RNGTT: variants seen among roughly 807,000 people sequenced by gnomAD.
The protein encoded by RNGTT is mRNA-capping enzyme.
A neutral mutation model predicts 79.3 loss-of-function variants in RNGTT; 33 were observed. That is an observed-to-expected ratio of 0.42 (90% CI 0.32 to 0.56). RNGTT has a LOEUF of 0.56. Among genes scored for constraint, RNGTT ranks in the 20% least tolerant of loss-of-function variants. RNGTT has a pLI of 0.17. For synonymous variants in RNGTT, 222 were observed against 235.9 expected (o/e 0.94, Z 0.54); for missense variants, 497 against 739.1 (o/e 0.67, Z 3.80).
At chr6:88,805,402 C>A (rs559171306) in intron 11 of RNGTT, among the ~76,000 whole-genome samples, 2 of 152,288 alleles carry the variant, frequency 1.3e-5, no homozygotes, top group Non-Finnish European at 2.9e-5. Context: ...ACAGGCAGGG[C>A]AGGAAACATG....
intron 1 of RNGTT, among the ~76,000 whole-genome samples, chr6:88,944,931 T>C (rs1355951390): frequency 6.6e-6 from 1 of 152,342 alleles, no homozygotes; most frequent in Admixed American, 6.5e-5. Context: ...CACCATCTTT[T>C]TCCCCTCTTG....
intron 4 of RNGTT, among the ~76,000 whole-genome samples, chr6:88,915,285 C>G (rs749359799): frequency 6.6e-6 from 1 of 152,162 alleles, no homozygotes; most frequent in Non-Finnish European, 1.5e-5. Context: ...CAAAGGAACA[C>G]AAATCATTCT....
chr6:88,830,747 A>C (rs1780832959), intron 11 of RNGTT, among the ~76,000 whole-genome samples: 1 of 152,214 alleles, frequency 6.6e-6, no homozygotes, highest in Non-Finnish European at 1.5e-5. Flanking sequence ...AAAAAATGAA[A>C]AAGGAGATAT....
At chr6:88,737,360 A>G (rs1022768523) in intron 13 of RNGTT, among the ~76,000 whole-genome samples, 1 of 152,092 alleles carries the variant, frequency 6.6e-6, no homozygotes, top group African/African-American at 2.4e-5. Context: ...ACCCCTTTCC[A>G]CTTTAGATGA....
intron 14 of RNGTT, among the ~76,000 whole-genome samples, chr6:88,630,054 C>A (rs988216408): frequency 2.0e-5 from 3 of 152,164 alleles, no homozygotes; most frequent in Non-Finnish European, 4.4e-5. Context: ...ACACCGGCAA[C>A]CCTGAGTTCC....
At chr6:88,661,965 A>G (rs537650929) in intron 14 of RNGTT, among the ~76,000 whole-genome samples, 8 of 152,344 alleles carry the variant, frequency 5.3e-5, no homozygotes, top group African/African-American at 1.9e-4. Context: ...AAGGTAATAC[A>G]TCACTTTCAA....
chr6:88,954,958 TGAGGCAGGAGAATTGTTTGAACCTGG>T (rs1464287562), intron 1 of RNGTT, among the ~76,000 whole-genome samples: 12 of 152,016 alleles, frequency 7.9e-5, no homozygotes, highest in Non-Finnish European at 1.8e-4. Context: ...CTAGGGAGGC[TGAGGCAGGAGAATTGTTTGAACCTGG>T]GAGGCAGAGG....
At chr6:88,697,981 T>A (rs1387184701) in intron 13 of RNGTT, among the ~76,000 whole-genome samples, 1 of 100,304 alleles carries the variant, frequency 1.0e-5, no homozygotes, top group Non-Finnish European at 1.7e-5. Context: ...TACATATATA[T>A]GATATATATA....
At chr6:88,892,836 G>T (rs564721773) in intron 6 of RNGTT, among the ~76,000 whole-genome samples, 21 of 151,922 alleles carry the variant, frequency 1.4e-4, no homozygotes, top group Admixed American at 4.6e-4. Context: ...CTTGAGAAAA[G>T]AAAAAAAGAA....
At chr6:88,907,758 G>C (rs1412700482) in intron 4 of RNGTT, among the ~76,000 whole-genome samples, 1 of 110,278 alleles carries the variant, frequency 9.1e-6, no homozygotes, top group African/African-American at 3.4e-5. Context: ...TTTTTTTTTA[G>C]AGACAGGATC....
intron 14 of RNGTT, among the ~76,000 whole-genome samples, chr6:88,667,975 AC>A (rs780766372): frequency 2.6e-5 from 4 of 151,992 alleles, no homozygotes; most frequent in Non-Finnish European, 5.9e-5. Context: ...TGTATCATAG[AC>A]CCCCTCCCAT....
At chr6:88,854,721 T>C (rs1334349477) in intron 8 of RNGTT, among the ~76,000 whole-genome samples, 1 of 151,914 alleles carries the variant, frequency 6.6e-6, no homozygotes, top group East Asian at 1.9e-4. Context: ...CTTATCTTCT[T>C]AAACTCAATC....
At chr6:88,722,530 A>G (rs1431657225) in intron 13 of RNGTT, among the ~76,000 whole-genome samples, 4 of 152,244 alleles carry the variant, frequency 2.6e-5, no homozygotes, top group African/African-American at 7.2e-5. Flanking sequence ...TGCTGGAGTC[A>G]TAATAAATGG....
intron 9 of RNGTT, among the ~76,000 whole-genome samples, chr6:88,851,494 T>G (rs1351045049): frequency 6.6e-6 from 1 of 152,056 alleles, no homozygotes; most frequent in African/African-American, 2.4e-5. Context: ...TTTCCAAAAT[T>G]CTTGCCATTA....
At chr6:88,802,177 G>C (rs2127863620) in intron 11 of RNGTT, among the ~76,000 whole-genome samples, 1 of 152,268 alleles carries the variant, frequency 6.6e-6, no homozygotes, top group African/African-American at 2.4e-5. Flanking sequence ...GCAAGAATTT[G>C]TAACCACAAA....
At chr6:88,650,024 C>G (rs1353253376) in intron 14 of RNGTT, among the ~76,000 whole-genome samples, 3 of 152,078 alleles carry the variant, frequency 2.0e-5, no homozygotes, top group Non-Finnish European at 4.4e-5. Context: ...ATCGTTCAAA[C>G]CAGTAAAAGC....
At chr6:88,726,119 A>G (rs1002280362) in intron 13 of RNGTT, among the ~76,000 whole-genome samples, 1 of 152,194 alleles carries the variant, frequency 6.6e-6, no homozygotes, top group African/African-American at 2.4e-5. Context: ...TAAAACCTAT[A>G]ATTGATAATT....
At chr6:88,664,727 G>C (rs1206746291) in intron 14 of RNGTT, among the ~76,000 whole-genome samples, 1 of 152,178 alleles carries the variant, frequency 6.6e-6, no homozygotes, top group Non-Finnish European at 1.5e-5. Context: ...AAAGACCCCA[G>C]ACAAGGACGA....
At chr6:88,842,027 T>A (rs985918157) in intron 11 of RNGTT, among the ~76,000 whole-genome samples, 1 of 152,162 alleles carries the variant, frequency 6.6e-6, no homozygotes, top group African/African-American at 2.4e-5. Context: ...TATCTATGAA[T>A]TAGAACCATC....
Sources: gnomAD v4.1 joint callset for allele counts (sites outside exome capture counted in the v4.1 genomes callset) on GRCh38, gnomAD v4.1.1 for gene constraint, MANE v1.5 for transcripts, NCBI Gene and HGNC (gene_info 2026-07-23, HGNC 2026-07-21) for gene names.